The following WIPI1 variants were observed in gnomAD, a reference collection of about 807,000 sequenced individuals.
WIPI1 encodes the protein WD repeat domain, phosphoinositide interacting 1, also known as WD repeat domain phosphoinositide-interacting protein 1.
A neutral mutation model predicts 55.3 loss-of-function variants in WIPI1; 45 were observed. That is an observed-to-expected ratio of 0.81 (90% CI 0.64 to 1.04). The LOEUF is 1.04. Among genes scored for constraint, WIPI1 ranks in the 50% least tolerant of loss-of-function variants. The pLI is 0.00. For missense variants in WIPI1, 445 were observed against 559.0 expected, an observed-to-expected ratio of 0.80 and a Z score of 2.06; for synonymous variants, 195 against 217.6, an observed-to-expected ratio of 0.90 and a Z score of 0.92.
At chr17:68,442,992 A>G (rs1487242787) in intron 4 of WIPI1, among the ~76,000 whole-genome samples, 1 of 152,190 alleles carries the variant, frequency 6.6e-6, no homozygotes, top group African/African-American at 2.4e-5. Context: ...AAAACTTACC[A>G]CCCACAGCTT....
At chr17:68,433,774 T>TGTTTGTTTTTTTTTG (rs2083639186) in intron 7 of WIPI1, among the ~76,000 whole-genome samples, 199 bp from the exon 8 acceptor site, 1 of 35,226 alleles carries the variant, frequency 2.8e-5, no homozygotes, top group African/African-American at 8.6e-5. Flanking sequence ...TTTTTTTTTT[T>TGTTTGTTTTTTTTTG]TTTTTTTTTT....
Position 68,425,879 on chromosome 17 carries a change from C to G in WIPI1, c.1293+196G>C. 5.4e-6 allele frequency: 3 copies of G among 556,802 alleles called. No homozygotes were observed. The South Asian group carries it at 7.0e-5, about 13-fold the overall frequency. The allele number at this position is 556,802 out of a possible 1,614,324, so 34.5% of individuals were successfully genotyped here. ...ACTCTAATGCCATCAGGGTTTAGCT[C>G]GACACCTAAAGCCTACTCTGTAGGA... On this transcript the variant is annotated intron_variant, in intron 12 of 12. Transcript: ENST00000262139.
intron 12 of WIPI1, 32 bp from the exon 13 acceptor site, chr17:68,421,852 T>C: frequency 6.2e-7 from 1 of 1,613,994 alleles, no homozygotes; most frequent in Non-Finnish European, 8.5e-7. Context: ...GGCCTTACTC[T>C]TCTCAGGAAG....
chr17:68,436,641 G>A (rs774716556), intron 4 of WIPI1, among the ~76,000 whole-genome samples, 162 bp from the exon 5 acceptor site: 6 of 152,172 alleles, frequency 3.9e-5, no homozygotes, highest in Non-Finnish European at 7.3e-5. Flanking sequence ...TCTGATTAAG[G>A]CTTCCAATAA....
At position 68,430,105 on chromosome 17, in the gene WIPI1, C is replaced by T. The variant is rs759512890; in HGVS notation, c.856G>A (p.Ala286Thr). 6.2e-7 allele frequency: 1 copy of T among 1,614,104 alleles called. No individual in the cohort carries two copies. Among genetic ancestry groups the T allele is most frequent in the Admixed American group, 1.7e-5 (1 of 59,988 alleles). ...SGYMGKMFMA[A>T]TNYLPTQVSD... ...ACCTGGGTAGGGAGGTAGTTGGTAG[C>T]AGCCATAAACATCTTTCCCATGTAG... The change falls in exon 9 of 13, where the codon GCT becomes ACT. Residue 286 changes from alanine (A) to threonine (T), a missense_variant. Physicochemically the swap from Ala to Thr is moderately conservative, Grantham distance 58 (BLOSUM62 0). Coordinates refer to ENST00000262139, the MANE Select transcript of WIPI1 (RefSeq NM_017983.7).
intron 12 of WIPI1, chr17:68,425,849 C>G: frequency 2.1e-6 from 1 of 470,014 alleles, no homozygotes; most frequent in South Asian, 3.3e-5. Context: ...GATTAGTATT[C>G]GGTGACTCTA....
intron 12 of WIPI1, among the ~76,000 whole-genome samples, chr17:68,424,131 C>T (rs2082988822): frequency 6.6e-6 from 1 of 152,164 alleles, no homozygotes; most frequent in Admixed American, 6.5e-5. Context: ...GGTAAAACAA[C>T]TGGTTTATAG....
chr17:68,436,495 C>G lies in WIPI1; in HGVS notation c.431-16G>C, dbSNP rs1424599932. The G allele has an allele frequency of 6.2e-7, 1 of 1,611,596 alleles. No individual in the cohort carries two copies. The highest frequency in any genetic ancestry group is 1.1e-5 in the South Asian group (1 of 90,998). On this transcript the variant is annotated splice_polypyrimidine_tract_variant and intron_variant, in intron 4 of 12. Coordinates refer to ENST00000262139, the MANE Select transcript of WIPI1 (RefSeq NM_017983.7). Reference sequence around the variant, plus strand: ...GCACATAGACCTGGCAAAGAAGAAACAGAACATGAGAAGCCTGGGGCCAAG... The same window carrying G: ...GCACATAGACCTGGCAAAGAAGAAAGAGAACATGAGAAGCCTGGGGCCAAG...
chr17:68,428,761 C>G, intron 10 of WIPI1, 68 bp downstream of exon 10: 1 of 1,265,370 alleles, frequency 7.9e-7, no homozygotes, highest in East Asian at 2.3e-5. Context: ...GCTTGTCGTT[C>G]TTGGCGAAGG....
In WIPI1 at chr17:68,426,255, C is replaced by T; in HGVS notation, c.1193-80G>A. The T allele has an allele frequency of 2.9e-6, 3 of 1,037,524 alleles. 1 individual carries two copies. The highest frequency in any genetic ancestry group is 2.6e-5 in the South Asian group (2 of 77,524). 64.3% of individuals were successfully genotyped at this position (1,037,524 alleles called of 1,614,324 possible). A position where few individuals can be genotyped will look rare whatever the true frequency, so the allele number is the denominator to read the frequency against. Reference sequence around the variant, plus strand: ...TGACCTGGCGGGTGGGGAGCGGGGGCTCAAATAAAGGGCAAAGGAAGCAAA... The same window carrying T: ...TGACCTGGCGGGTGGGGAGCGGGGGTTCAAATAAAGGGCAAAGGAAGCAAA... On this transcript the variant is annotated intron_variant, in intron 11 of 12. Transcript: ENST00000262139.
intron 12 of WIPI1, chr17:68,422,856 T>G (rs1039018033): frequency 6.6e-6 from 1 of 152,128 alleles, no homozygotes; most frequent in Non-Finnish European, 1.5e-5. Context: ...GTTGGCTTGT[T>G]CCTGAAACAA....
Position 68,421,642 on chromosome 17 carries a change from A to T in WIPI1, c.*131T>A. 7.6e-7 allele frequency: 1 copy of T among 1,321,878 alleles called. No homozygotes were observed. Among genetic ancestry groups the T allele is most frequent in the Non-Finnish European group, 1.1e-6 (1 of 927,396 alleles). The allele number at this position is 1,321,878 out of a possible 1,614,324, so 81.9% of individuals were successfully genotyped here. A position where few individuals can be genotyped will look rare whatever the true frequency, so the allele number is the denominator to read the frequency against. On this transcript the variant is annotated 3_prime_UTR_variant, in exon 13 of 13. Coordinates refer to ENST00000262139, the MANE Select transcript of WIPI1 (RefSeq NM_017983.7). Reference sequence around the variant, plus strand: ...AGGAGTTAACCAGGTCCTGTGGTTTAAGCAGTGGAGCACCCGGGATTCCTG... The same window carrying T: ...AGGAGTTAACCAGGTCCTGTGGTTTTAGCAGTGGAGCACCCGGGATTCCTG...
At position 68,421,664 on chromosome 17, in the gene WIPI1, C is replaced by A; in HGVS notation, c.*109G>T. On this transcript the variant is annotated 3_prime_UTR_variant, in exon 13 of 13. Transcript: ENST00000262139. ...TTTAAGCAGTGGAGCACCCGGGATT[C>A]CTGCCCCCCTTTCTGCTCACACAAT... 1 of 1,502,342 alleles carries A rather than the reference C, an allele frequency of 6.7e-7. No homozygotes were observed. 93.1% of individuals were successfully genotyped at this position (1,502,342 alleles called of 1,614,324 possible). A position where few individuals can be genotyped will look rare whatever the true frequency, so the allele number is the denominator to read the frequency against.
chr17:68,433,776 T>TTTTTTTTTG (rs1568633012), intron 7 of WIPI1, among the ~76,000 whole-genome samples: 99 of 63,158 alleles, frequency 1.6e-3, no homozygotes, highest in African/African-American at 4.7e-3. Context: ...TTTTTTTTTT[T>TTTTTTTTTG]TTTTTTTTTT....
At chr17:68,453,085 G>A (rs995040414) in intron 1 of WIPI1, 93 bp from the exon 2 acceptor site, 1 of 988,968 alleles carries the variant, frequency 1.0e-6, no homozygotes, top group Non-Finnish European at 1.6e-6. Flanking sequence ...TAGCCTCAGG[G>A]GTACAGTAAA....
intron 8 of WIPI1, among the ~76,000 whole-genome samples, chr17:68,431,736 C>T (rs1189795193): frequency 4.6e-5 from 7 of 152,300 alleles, no homozygotes; most frequent in South Asian, 2.1e-4. Flanking sequence ...ACGTGTGAGC[C>T]GTAACCGCCG....
At chr17:68,450,929 G>C in intron 2 of WIPI1, 32 bp from the exon 3 acceptor site, 2 of 1,598,058 alleles carry the variant, frequency 1.3e-6, no homozygotes, top group Non-Finnish European at 1.7e-6. Flanking sequence ...AGGTTACATG[G>C]ATTGATCACT....
Position 68,421,831 on chromosome 17 carries a change from C to A in WIPI1, c.1294-11G>T. ...ACGGCACAAGATTATCTACCAAAAT[C>A]AAAACAGAATGGCCTTACTCTTCTC... On this transcript the variant is annotated splice_polypyrimidine_tract_variant and intron_variant, in intron 12 of 12. Transcript: ENST00000262139. 1 of 1,614,142 alleles carries A rather than the reference C, an allele frequency of 6.2e-7. No individual in the cohort carries two copies. The highest frequency in any genetic ancestry group is 1.7e-5 in the Admixed American group (1 of 60,024).
At chr17:68,442,238 C>T (rs189662926) in intron 4 of WIPI1, among the ~76,000 whole-genome samples, 6 of 152,088 alleles carry the variant, frequency 3.9e-5, no homozygotes, top group Non-Finnish European at 5.9e-5. Flanking sequence ...CCAAGGCGGG[C>T]GGATCACTTG....
Sources: gnomAD v4.1 joint callset for allele counts (sites outside exome capture counted in the v4.1 genomes callset) on GRCh38, gnomAD v4.1.1 for gene constraint, MANE v1.5 for transcripts, NCBI Gene and HGNC (gene_info 2026-07-23, HGNC 2026-07-21) for gene names.